The following TRDN variants were observed in gnomAD, a reference collection of about 807,000 sequenced individuals.
The protein encoded by TRDN is triadin in skeletal muscle.
In TRDN, 161 loss-of-function variants were observed where a neutral mutation model predicts 149.7. The observed-to-expected ratio is 1.08, with a 90% CI of 0.95 to 1.23. The LOEUF is 1.23. Ranked by LOEUF, TRDN falls within the 50% of genes most tolerant of loss-of-function variation. The pLI is 0.00. For missense variants in TRDN, 896 were observed against 823.5 expected (o/e 1.09, Z -1.08); for synonymous variants, 294 against 250.5 (o/e 1.17, Z -1.64).
intron 24 of TRDN, among the ~76,000 whole-genome samples, chr6:123,293,791 A>G (rs1778093423): frequency 1.3e-5 from 2 of 148,256 alleles, no homozygotes; most frequent in African/African-American, 4.9e-5. Flanking sequence ...TCTTAGGAGT[A>G]GCTTTCCCCT....
intron 1 of TRDN, among the ~76,000 whole-genome samples, chr6:123,617,394 G>A (rs756125290): frequency 6.6e-6 from 1 of 152,210 alleles, no homozygotes; most frequent in Middle Eastern, 3.4e-3. Context: ...TTGAATGGAA[G>A]CAGGTTCAAT....
chr6:123,562,665 TA>T (rs1427499067), intron 2 of TRDN, among the ~76,000 whole-genome samples: 20 of 152,184 alleles, frequency 1.3e-4, no homozygotes, highest in African/African-American at 4.8e-4. Context: ...ATGCAAAAAA[TA>T]AAATAAAATA....
At chr6:123,468,647 TG>T (rs1776976198) in intron 9 of TRDN, among the ~76,000 whole-genome samples, 1 of 152,132 alleles carries the variant, frequency 6.6e-6, no homozygotes, top group African/African-American at 2.4e-5. Context: ...GATTGCATGA[TG>T]GAAAAAAGCA....
intron 1 of TRDN, among the ~76,000 whole-genome samples, chr6:123,594,950 A>G (rs1482625049): frequency 6.6e-6 from 1 of 151,928 alleles, no homozygotes; most frequent in Non-Finnish European, 1.5e-5. Flanking sequence ...ATTCTAGAAC[A>G]TGGCTCCACC....
chr6:123,585,686 T>C (rs895942733), intron 1 of TRDN, among the ~76,000 whole-genome samples: 19 of 152,230 alleles, frequency 1.2e-4, no homozygotes, highest in Non-Finnish European at 1.8e-4. Flanking sequence ...AGATGGGACG[T>C]GGCTTAGGAG....
At chr6:123,254,713 A>T (rs1366431463) in intron 37 of TRDN, among the ~76,000 whole-genome samples, 1 of 152,006 alleles carries the variant, frequency 6.6e-6, no homozygotes. Flanking sequence ...TATATTCATG[A>T]TCTTAACTAT....
intron 15 of TRDN, among the ~76,000 whole-genome samples, 164 bp downstream of exon 15, chr6:123,381,954 G>GCTCTCTCTCTCT (rs1554230321): frequency 7.8e-6 from 1 of 127,672 alleles, no homozygotes; most frequent in African/African-American, 3.0e-5. Context: ...AATAGATTTG[G>GCTCTCTCTCTCT]CGCTCTCTCT....
intron 14 of TRDN, among the ~76,000 whole-genome samples, chr6:123,385,619 G>A (rs529694439): frequency 1.4e-4 from 22 of 152,022 alleles, no homozygotes; most frequent in African/African-American, 4.6e-4. Flanking sequence ...ATTTATCTTC[G>A]GGTCTGAATC....
At chr6:123,616,656 C>T (rs765219056) in intron 1 of TRDN, among the ~76,000 whole-genome samples, 1 of 152,278 alleles carries the variant, frequency 6.6e-6, no homozygotes, top group Non-Finnish European at 1.5e-5. Context: ...TAATACTCCT[C>T]ATCAAAGGTA....
intron 21 of TRDN, among the ~76,000 whole-genome samples, chr6:123,345,524 C>T (rs752981268): frequency 6.6e-6 from 1 of 151,980 alleles, no homozygotes; most frequent in African/African-American, 2.4e-5. Flanking sequence ...TTTTCCAGTG[C>T]TGTGTTGGCT....
chr6:123,584,245 C>T (rs113112277), intron 1 of TRDN, among the ~76,000 whole-genome samples: 18,729 of 151,702 alleles, frequency 0.12, 1,256 homozygotes, highest in African/African-American at 0.17. Context: ...CTGAAGGAGC[C>T]GGGGAGCAGA....
intron 13 of TRDN, among the ~76,000 whole-genome samples, chr6:123,392,815 G>A (rs997107324): frequency 3.9e-5 from 6 of 151,972 alleles, no homozygotes; most frequent in African/African-American, 1.4e-4. Flanking sequence ...TTGCTCAGAT[G>A]TAATACATTC....
intron 5 of TRDN, among the ~76,000 whole-genome samples, chr6:123,527,630 C>T (rs1464572723): frequency 6.6e-6 from 1 of 151,712 alleles, no homozygotes; most frequent in African/African-American, 2.4e-5. Context: ...CCCCAGGGGC[C>T]ATTTATATGA....
At chr6:123,569,856 T>C (rs150245188) in intron 2 of TRDN, among the ~76,000 whole-genome samples, 3 of 152,318 alleles carry the variant, frequency 2.0e-5, no homozygotes, top group African/African-American at 7.2e-5. Flanking sequence ...TAGGCCCATG[T>C]CCAACACTGG....
chr6:123,398,775 G>A (rs1772839389), intron 12 of TRDN, among the ~76,000 whole-genome samples: 2 of 152,174 alleles, frequency 1.3e-5, no homozygotes, highest in African/African-American at 4.8e-5. Context: ...TGTGACCAAG[G>A]GGACTGAAGC....
chr6:123,466,622 C>T (rs1312347468), intron 9 of TRDN, among the ~76,000 whole-genome samples: 36 of 145,814 alleles, frequency 2.5e-4, no homozygotes, highest in Admixed American at 2.5e-3. Context: ...CTCGGTGGGT[C>T]AAAGGGATAT....
At chr6:123,461,619 C>G (rs903166989) in intron 10 of TRDN, among the ~76,000 whole-genome samples, 1 of 152,104 alleles carries the variant, frequency 6.6e-6, no homozygotes, top group Non-Finnish European at 1.5e-5. Context: ...GGTAATTTTG[C>G]TTATACAAGG....
At chr6:123,544,246 TACACACACACAC>T (rs71021453) in intron 4 of TRDN, among the ~76,000 whole-genome samples, 5,168 of 144,284 alleles carry the variant, frequency 0.036, 103 homozygotes, top group Non-Finnish European at 0.04. Flanking sequence ...CATCTGTACA[TACACACACACAC>T]ACACACACAC....
At chr6:123,406,034 A>T (rs1218949068) in intron 12 of TRDN, among the ~76,000 whole-genome samples, 1 of 152,216 alleles carries the variant, frequency 6.6e-6, no homozygotes, top group Non-Finnish European at 1.5e-5. Context: ...TCAAATTTCT[A>T]AAAAACTGCA....
Sources: gnomAD v4.1 joint callset for allele counts (sites outside exome capture counted in the v4.1 genomes callset) on GRCh38, gnomAD v4.1.1 for gene constraint, MANE v1.5 for transcripts, NCBI Gene and HGNC (gene_info 2026-07-23, HGNC 2026-07-21) for gene names.